DLG5: variants seen among roughly 807,000 people sequenced by gnomAD.
The protein encoded by DLG5 is discs large MAGUK scaffold protein 5.
Under a neutral mutation model 189.8 loss-of-function variants are expected in DLG5, and 48 were observed. The ratio of observed to expected loss-of-function variants is 0.25; its 90% CI spans 0.20 to 0.32. DLG5 has a LOEUF of 0.32. Among genes scored for constraint, DLG5 ranks in the 10% least tolerant of loss-of-function variants. The probability of loss-of-function intolerance (pLI) is 1.00; values close to 1 mark genes in which losing one functional copy is unlikely to be tolerated. For synonymous variants in DLG5, 1,016 were observed against 1,054.1 expected, an observed-to-expected ratio of 0.96 and a Z score of 0.70; for missense variants, 2,160 against 2,544.7, an observed-to-expected ratio of 0.85 and a Z score of 3.25.
intron 1 of DLG5, among the ~76,000 whole-genome samples, chr10:77,903,390 T>C (rs1845986154): frequency 1.3e-5 from 2 of 150,850 alleles, no homozygotes; most frequent in African/African-American, 4.9e-5. Flanking sequence ...ATTGCACCAC[T>C]GCACTCCAGC....
Position 77,796,700 on chromosome 10 carries a change from G to T in DLG5, c.5165-106C>A. 2 of 1,407,284 alleles carry T rather than the reference G, an allele frequency of 1.4e-6. No individual in the cohort carries two copies. The highest frequency in any genetic ancestry group is 2.6e-5 in the South Asian group (2 of 78,160). The allele number at this position is 1,407,284 out of a possible 1,614,324, so 87.2% of individuals were successfully genotyped here. ...ACCTCGCCCACTCTGGTTTGCCTGG[G>T]ACTCCCCCAGCTTCAGCACTGAAAA... On this transcript the variant is annotated intron_variant, in intron 27 of 31. Coordinates refer to ENST00000372391, the MANE Select transcript of DLG5 (RefSeq NM_004747.4). This position sits in a 1 kb window ranked among gnomAD's most constrained non-coding sequence, Gnocchi z 5.2.
chr10:77,914,163 A>C (rs929288574), intron 1 of DLG5, among the ~76,000 whole-genome samples: 2 of 152,216 alleles, frequency 1.3e-5, no homozygotes, highest in Admixed American at 6.5e-5. Flanking sequence ...CCTCCTTAAA[A>C]ATGTGGGCTT....
intron 27 of DLG5, among the ~76,000 whole-genome samples, chr10:77,804,966 C>T (rs1841397597): frequency 6.6e-6 from 1 of 152,078 alleles, no homozygotes; most frequent in Admixed American, 6.5e-5. Flanking sequence ...CTAAAACATG[C>T]CTTTTCTTTT....
At chr10:77,823,625 G>A (rs1317584552) in intron 14 of DLG5, among the ~76,000 whole-genome samples, 1 of 151,540 alleles carries the variant, frequency 6.6e-6, no homozygotes, top group African/African-American at 2.4e-5. Flanking sequence ...CCGCCTCCTG[G>A]GTTCAAGCGA....
chr10:77,914,321 G>A (rs1401487816), intron 1 of DLG5, among the ~76,000 whole-genome samples: 2 of 152,186 alleles, frequency 1.3e-5, no homozygotes, highest in Non-Finnish European at 2.9e-5. Flanking sequence ...CCATGCACAG[G>A]CTGGGAGCTT....
At chr10:77,835,694 C>G (rs1216112917) in intron 8 of DLG5, 44 bp downstream of exon 8, 2 of 1,566,332 alleles carry the variant, frequency 1.3e-6, no homozygotes, top group African/African-American at 2.7e-5. Context: ...GTCCCCTCAT[C>G]CTGGGGAGAC....
chr10:77,907,363 T>C (rs572900195), intron 1 of DLG5, among the ~76,000 whole-genome samples: 3 of 152,270 alleles, frequency 2.0e-5, no homozygotes, highest in Non-Finnish European at 4.4e-5. Context: ...CAGATCACTT[T>C]AGCCCAGAAG....
chr10:77,818,493 C>A (rs1842175212), intron 17 of DLG5, among the ~76,000 whole-genome samples: 1 of 152,198 alleles, frequency 6.6e-6, no homozygotes, highest in East Asian at 1.9e-4. Context: ...AGGGTTTGTG[C>A]CCTGTGACCT....
intron 7 of DLG5, among the ~76,000 whole-genome samples, chr10:77,837,386 T>C (rs1026678168): frequency 1.3e-5 from 2 of 152,200 alleles, no homozygotes; most frequent in Admixed American, 1.3e-4. Context: ...CATGGTGCTC[T>C]AGATGAGCAT....
chr10:77,859,644 A>G (rs10824583), intron 2 of DLG5, among the ~76,000 whole-genome samples: 41,983 of 152,192 alleles, frequency 0.28, 6,445 homozygotes, highest in Non-Finnish European at 0.35. Flanking sequence ...GGTAGATACC[A>G]TCTAAGTTTG....
rs549205210 is a variant in DLG5, at chr10:77,833,138, C to T, written c.1748+776G>A. Among the ~76,000 whole-genome samples, 19 of 152,222 alleles carry T rather than the reference C, an allele frequency of 1.2e-4. 1 individual carries two copies. Among genetic ancestry groups the T allele is most frequent in the African/African-American group, 4.3e-4 (18 of 41,540 alleles). Reference sequence around the variant, plus strand: ...TTTCCTACTAGATTTGGGTTTTAGACCACGGCCTATTGGGCTCTGCCAATT... The same window carrying T: ...TTTCCTACTAGATTTGGGTTTTAGATCACGGCCTATTGGGCTCTGCCAATT... On this transcript the variant is annotated intron_variant, in intron 9 of 31. Coordinates refer to ENST00000372391, the MANE Select transcript of DLG5 (RefSeq NM_004747.4).
chr10:77,893,445 A>T (rs1016852749), intron 1 of DLG5, among the ~76,000 whole-genome samples: 21 of 152,208 alleles, frequency 1.4e-4, no homozygotes, highest in African/African-American at 5.1e-4. Flanking sequence ...TGAAGAGAAA[A>T]CAAGGTCGAG....
At position 77,875,576 on chromosome 10, in the gene DLG5, C is replaced by A. The variant is rs570765555; in HGVS notation, c.305-6379G>T. ...GCCTGTGCTGCCTGCAGAGGGGAGT[C>A]GCAGTGTGTGGGCAAGCCTGCACTC... On this transcript the variant is annotated intron_variant, in intron 1 of 31. Transcript: ENST00000372391. Among the ~76,000 whole-genome samples, 46 of 152,276 alleles carry A rather than the reference C, an allele frequency of 3.0e-4. 1 individual carries two copies. In the South Asian group the frequency reaches 9.3e-3, roughly 31 times the overall value.
intron 1 of DLG5, among the ~76,000 whole-genome samples, chr10:77,875,691 TTC>T (rs967212720): frequency 6.6e-6 from 1 of 152,122 alleles, no homozygotes; most frequent in African/African-American, 2.4e-5. Flanking sequence ...AGAGCCCACC[TTC>T]TCTGTTTTAA....
In DLG5 at chr10:77,796,201, G is replaced by A. The variant is rs553698152; in HGVS notation, c.5309-13C>T. 2 of 1,614,034 alleles carry A rather than the reference G, an allele frequency of 1.2e-6. No homozygotes were observed. Among genetic ancestry groups the A allele is most frequent in the South Asian group, 1.1e-5 (1 of 91,086 alleles). ...GCCTTCATCACCTCTGCAATGCACAGACACAGGAATCAGGGAGCCCCAGGC... is the reference window on the plus strand; with the variant it reads ...GCCTTCATCACCTCTGCAATGCACAAACACAGGAATCAGGGAGCCCCAGGC... On this transcript the variant is annotated splice_polypyrimidine_tract_variant and intron_variant, in intron 28 of 31. Coordinates refer to ENST00000372391, the MANE Select transcript of DLG5 (RefSeq NM_004747.4). This position sits in a 1 kb window ranked among gnomAD's most constrained non-coding sequence, Gnocchi z 5.2.
At chr10:77,911,546 A>G (rs1846221101) in intron 1 of DLG5, among the ~76,000 whole-genome samples, 1 of 152,166 alleles carries the variant, frequency 6.6e-6, no homozygotes, top group Non-Finnish European at 1.5e-5. Context: ...TGGATAGCAG[A>G]TTGGCAATGG....
rs1568109095 is a variant in DLG5 at position 77,794,965 on chromosome 10, T to C, written c.5437-7A>G. ...CCAGGAGGCAGTGTCGGTTCTGGGG[T>C]GGGGGGTGCAGAGTGAGCCCTGGCG... On this transcript the variant is annotated splice_polypyrimidine_tract_variant and splice_region_variant and intron_variant, in intron 29 of 31. Transcript: ENST00000372391. The C allele has an allele frequency of 4.3e-6, 7 of 1,612,330 alleles. No individual in the cohort carries two copies. The highest frequency in any genetic ancestry group is 1.7e-6 in the Non-Finnish European group (2 of 1,179,252).
At chr10:77,794,250 A>G in intron 30 of DLG5, 133 bp from the exon 31 acceptor site, 1 of 728,320 alleles carries the variant, frequency 1.4e-6, no homozygotes. Flanking sequence ...TGCTCCCCAC[A>G]TAAAGCACAG....
chr10:77,864,061 G>A (rs919126502), intron 2 of DLG5, among the ~76,000 whole-genome samples: 4 of 152,216 alleles, frequency 2.6e-5, no homozygotes, highest in African/African-American at 9.6e-5. Flanking sequence ...GAGGGCAGAA[G>A]GGAGTGTCCC....
Sources: gnomAD v4.1 joint callset for allele counts (sites outside exome capture counted in the v4.1 genomes callset) on GRCh38, gnomAD v4.1.1 for gene constraint, Gnocchi (gnomAD v3.1) non-coding constraint, MANE v1.5 for transcripts, NCBI Gene and HGNC (gene_info 2026-07-23, HGNC 2026-07-21) for gene names.